The following SLC39A1 variants were observed in gnomAD, a reference collection of about 807,000 sequenced individuals.
The protein encoded by SLC39A1 is solute carrier family 39 member 1, also known as zinc transporter ZIP1.
A neutral mutation model predicts 21.4 loss-of-function variants in SLC39A1; 17 were observed. That is an observed-to-expected ratio of 0.79 (90% CI 0.54 to 1.19). The LOEUF (loss-of-function observed/expected upper bound fraction) is 1.19, where lower values mean the gene tolerates loss of function less well. Ranked by LOEUF, SLC39A1 falls within the 50% of genes most tolerant of loss-of-function variation. The pLI, the probability that SLC39A1 is intolerant of heterozygous loss-of-function variation, is 0.00. For missense variants in SLC39A1, 343 were observed against 399.8 expected (o/e 0.86, Z 1.21); for synonymous variants, 183 against 185.9 (o/e 0.98, Z 0.13).
chr1:153,961,280 A>G (rs186616148), intron 3 of SLC39A1, among the ~76,000 whole-genome samples: 4 of 152,342 alleles, frequency 2.6e-5, no homozygotes, highest in African/African-American at 9.6e-5. Flanking sequence ...TTTCTCAAAA[A>G]CAAAACAAAA....
chr1:153,960,771 C>T lies in SLC39A1; in HGVS notation c.319-17G>A. ...GAACTGGAGCTGTGGGCAGAAGCAG[C>T]AGCAAAATGTTCAGGGAAGGAAGAG... is the stretch of plus-strand genomic sequence containing the variant. On this transcript the variant is annotated splice_polypyrimidine_tract_variant and intron_variant, in intron 3 of 3. Coordinates refer to ENST00000356205, the MANE Select transcript of SLC39A1 (RefSeq NM_001271958.2). 1 of 1,595,278 alleles carries T rather than the reference C, an allele frequency of 6.3e-7. No homozygotes were observed. Among genetic ancestry groups the T allele is most frequent in the Non-Finnish European group, 8.5e-7 (1 of 1,173,650 alleles).
chr1:153,963,367 G>C (rs1440134066), intron 1 of SLC39A1, 128 bp downstream of exon 1: 1 of 152,358 alleles, frequency 6.6e-6, no homozygotes, highest in East Asian at 1.9e-4. Flanking sequence ...GCTCCAGGAG[G>C]CGGGGTGCGA....
chr1:153,967,085 G>T (rs1421162152), upstream of SLC39A1, among the ~76,000 whole-genome samples: 5 of 152,196 alleles, frequency 3.3e-5, no homozygotes, highest in Non-Finnish European at 7.3e-5. Context: ...ACAAGTGTGG[G>T]ACATAATGTT....
At chr1:153,961,070 G>A (rs946729904) in intron 3 of SLC39A1, among the ~76,000 whole-genome samples, 9 of 152,180 alleles carry the variant, frequency 5.9e-5, no homozygotes, top group Admixed American at 5.2e-4. Context: ...GAGGTCAGGA[G>A]TTTGAGACCA....
chr1:153,965,579 C>T (rs1647737219), upstream of SLC39A1, among the ~76,000 whole-genome samples: 1 of 151,952 alleles, frequency 6.6e-6, no homozygotes, highest in Non-Finnish European at 1.5e-5. Flanking sequence ...TTCCTTCCTT[C>T]CTTTCTTCTT....
Sources: gnomAD v4.1 joint callset for allele counts (sites outside exome capture counted in the v4.1 genomes callset) on GRCh38, gnomAD v4.1.1 for gene constraint, MANE v1.5 for transcripts, NCBI Gene and HGNC (gene_info 2026-07-23, HGNC 2026-07-21) for gene names.